CHST8: variants seen among roughly 807,000 people sequenced by gnomAD.
The protein encoded by CHST8 is carbohydrate sulfotransferase 8, also known as GALNAC-4-ST1.
CHST8 carries 10 observed loss-of-function variants against 15.0 expected under a neutral mutation model. The observed-to-expected ratio is 0.67, with a 90% CI of 0.41 to 1.13. The LOEUF (loss-of-function observed/expected upper bound fraction) is 1.13. Among genes scored for constraint, CHST8 ranks in the 50% most tolerant of loss-of-function variants. The pLI is 0.00. For missense variants in CHST8, 634 were observed against 608.2 expected (o/e 1.04, Z -0.45); for synonymous variants, 259 against 256.6 (o/e 1.01, Z -0.09).
In CHST8 at chr19:33,694,169, CATATATATATATATATATATATATAT is replaced by C. The variant is rs397842550; in HGVS notation, c.130+4804_130+4829del. Reference sequence around the variant, plus strand: ...CATACAGATTCTATTGTAGTTTATTCATATATATATATATATATATATATATATATATATATATATATATATATATA... The same window carrying C: ...CATACAGATTCTATTGTAGTTTATTCATATATATATATATATATATATATA... On this transcript the variant is annotated intron_variant, in intron 3 of 4. Coordinates refer to ENST00000650847, the MANE Select transcript of CHST8 (RefSeq NM_001127895.2). 2.1e-3 allele frequency among the ~76,000 whole-genome samples: 83 copies of C among 40,168 alleles called. 2 individuals are homozygous for C. The highest frequency in any genetic ancestry group is 7.5e-3 in the South Asian group (6 of 796). The allele number at this position is 40,168 out of a possible 152,430, so 26.4% of individuals were successfully genotyped here. A position where few individuals can be genotyped will look rare whatever the true frequency, so the allele number is the denominator to read the frequency against.
At chr19:33,747,290 A>T (rs1210641878) in intron 3 of CHST8, among the ~76,000 whole-genome samples, 1 of 152,100 alleles carries the variant, frequency 6.6e-6, no homozygotes, top group Non-Finnish European at 1.5e-5. Context: ...GGGACAGCTA[A>T]TTGCTCACAG....
intron 3 of CHST8, among the ~76,000 whole-genome samples, chr19:33,752,299 G>A (rs1288677296): frequency 4.6e-5 from 7 of 152,310 alleles, no homozygotes; most frequent in South Asian, 4.1e-4. Flanking sequence ...CGACCCACGC[G>A]TGAGCCAGGC....
chr19:33,736,730 C>T (rs1974091019), intron 3 of CHST8, among the ~76,000 whole-genome samples: 1 of 152,116 alleles, frequency 6.6e-6, no homozygotes, highest in Admixed American at 6.5e-5. Context: ...GGCCACCACC[C>T]CTCTCTCCCT....
rs116160576 is a variant in CHST8, at chr19:33,676,302, G to C, written c.-87+8459G>C. Reference sequence around the variant, plus strand: ...AAATAATTTTGGGTCCAGTGCAGTGGCTTATGTCTGTAATCCTAGCCCTTT... The same window carrying C: ...AAATAATTTTGGGTCCAGTGCAGTGCCTTATGTCTGTAATCCTAGCCCTTT... On this transcript the variant is annotated intron_variant, in intron 2 of 4. Transcript: ENST00000650847. Among the ~76,000 whole-genome samples the C allele has an allele frequency of 7.2e-3, 1,090 of 152,332 alleles. 14 individuals are homozygous for C. The highest frequency in any genetic ancestry group is 0.025 in the African/African-American group (1,022 of 41,576).
intron 3 of CHST8, among the ~76,000 whole-genome samples, chr19:33,693,007 T>C (rs1379669977): frequency 2.0e-5 from 3 of 149,378 alleles, no homozygotes; most frequent in African/African-American, 7.3e-5. Context: ...TTTCTTTCTT[T>C]CTTTTTTTTT....
chr19:33,699,267 C>T (rs973617722), intron 3 of CHST8, among the ~76,000 whole-genome samples: 7 of 152,216 alleles, frequency 4.6e-5, no homozygotes, highest in Non-Finnish European at 7.4e-5. Context: ...GGAGGAAGCT[C>T]GGGCTCTGCT....
At chr19:33,765,241 C>T (rs981498503) in intron 3 of CHST8, among the ~76,000 whole-genome samples, 20 of 151,682 alleles carry the variant, frequency 1.3e-4, no homozygotes, top group African/African-American at 4.4e-4. Flanking sequence ...AGCCAAGGAA[C>T]GCCTGGGCTG....
chr19:33,773,084 G>C lies in CHST8; in HGVS notation c.*21G>C, dbSNP rs527509701. On this transcript the variant is annotated 3_prime_UTR_variant, in exon 5 of 5. Coordinates refer to ENST00000650847, the MANE Select transcript of CHST8 (RefSeq NM_001127895.2). ...ACTGAGGGGCGCCGCAGCTGGCCGG[G>C]GCCGCCCTGCCCCGGTCACTCACCT... is the stretch of plus-strand genomic sequence containing the variant. The C allele has an allele frequency of 5.9e-4, 926 of 1,569,706 alleles. 7 individuals carry two copies. In the South Asian group the frequency reaches 0.01, roughly 17 times the overall value.
In CHST8 at chr19:33,772,801, G is replaced by A. The variant is rs760656431; in HGVS notation, c.1013G>A (p.Cys338Tyr). Residue 338 changes from cysteine (C) to tyrosine (Y), a missense_variant, in exon 5 of 5, where the codon TGC (cysteine) becomes TAC (tyrosine). Physicochemically the swap from Cys to Tyr is radical, Grantham distance 194. Transcript: ENST00000650847. ...CATGTCAGCCGGCTCTGCAGCCCCT[G>A]CCTCATCGACTACGATTTCGTAGGC... ...WDHVSRLCSP[C>Y]LIDYDFVGKF... 2 of 1,613,572 alleles carry A rather than the reference G, an allele frequency of 1.2e-6. No homozygotes were observed. The highest frequency in any genetic ancestry group is 1.1e-5 in the South Asian group (1 of 91,086).
At chr19:33,757,553 A>G (rs1008023807) in intron 3 of CHST8, among the ~76,000 whole-genome samples, 1 of 126,322 alleles carries the variant, frequency 7.9e-6, no homozygotes, top group Non-Finnish European at 1.7e-5. Flanking sequence ...AGAAAGAAAG[A>G]AAGAAAGAAA....
chr19:33,767,142 A>G (rs989685704), intron 3 of CHST8, among the ~76,000 whole-genome samples: 1 of 151,924 alleles, frequency 6.6e-6, no homozygotes, highest in Non-Finnish European at 1.5e-5. Flanking sequence ...TCATTCTCCC[A>G]AGAGTGAGCC....
At chr19:33,703,662 C>T (rs1286724947) in intron 3 of CHST8, among the ~76,000 whole-genome samples, 1 of 152,258 alleles carries the variant, frequency 6.6e-6, no homozygotes, top group Non-Finnish European at 1.5e-5. Flanking sequence ...CCTTTAGGGT[C>T]ACTGCAGATC....
chr19:33,675,475 G>A (rs781162934), intron 2 of CHST8, among the ~76,000 whole-genome samples: 30 of 152,232 alleles, frequency 2.0e-4, no homozygotes, highest in Non-Finnish European at 3.5e-4. Context: ...CGATTTCCCT[G>A]ATGAGCTGGG....
At chr19:33,688,129 A>T (rs372819947) in intron 2 of CHST8, among the ~76,000 whole-genome samples, 1 of 152,144 alleles carries the variant, frequency 6.6e-6, no homozygotes, top group Non-Finnish European at 1.5e-5. Flanking sequence ...GGGTCCCTAG[A>T]GTGCCTGCCG....
Position 33,689,260 on chromosome 19 carries a change from G to A in CHST8, c.-2G>A, listed in dbSNP as rs572454321. 2.5e-5 allele frequency: 40 copies of A among 1,581,436 alleles called. No homozygotes were observed. The African/African-American group carries it at 2.8e-4, about 11-fold the overall frequency. ...AAGAGGTGACCCCTGAGCCAGCCCC[G>A]GATGACCCTGCGACCTGGAACAATG... is the stretch of plus-strand genomic sequence containing the variant. On this transcript the variant is annotated 5_prime_UTR_variant, in exon 3 of 5. Transcript: ENST00000650847.
At chr19:33,673,401 C>T (rs920937433) in intron 2 of CHST8, among the ~76,000 whole-genome samples, 1 of 152,098 alleles carries the variant, frequency 6.6e-6, no homozygotes, top group African/African-American at 2.4e-5. Context: ...TTGGCGGGGA[C>T]CTAAGGTGGG....
chr19:33,661,071 C>T (rs1196338121), intron 1 of CHST8, among the ~76,000 whole-genome samples: 2 of 152,118 alleles, frequency 1.3e-5, no homozygotes, highest in Non-Finnish European at 2.9e-5. Context: ...GGACTTGGTG[C>T]ACTGACCGGC....
chr19:33,630,666 G>A (rs747691624), intron 1 of CHST8, among the ~76,000 whole-genome samples: 4 of 151,754 alleles, frequency 2.6e-5, no homozygotes, highest in African/African-American at 4.8e-5. Flanking sequence ...GAGCCAGCAC[G>A]TGGGTCAGGC....
chr19:33,734,607 C>T (rs574815761), intron 3 of CHST8, among the ~76,000 whole-genome samples: 1 of 152,162 alleles, frequency 6.6e-6, no homozygotes, highest in Non-Finnish European at 1.5e-5. Flanking sequence ...GGAGAACGCC[C>T]TGCCATCGTT....
Sources: allele counts gnomAD v4.1 joint callset (sites outside exome capture counted in the v4.1 genomes callset), GRCh38; gene constraint gnomAD v4.1.1; transcripts MANE v1.5; gene names NCBI Gene and HGNC (gene_info 2026-07-23, HGNC 2026-07-21).